NYAP2: variants seen among roughly 807,000 people sequenced by gnomAD.
NYAP2 encodes the protein neuronal tyrosine-phosphorylated phosphoinositide-3-kinase adapter 2.
Under a neutral mutation model 50.4 loss-of-function variants are expected in NYAP2, and 23 were observed. The ratio of observed to expected loss-of-function variants is 0.46; its 90% CI spans 0.33 to 0.65. The LOEUF (loss-of-function observed/expected upper bound fraction) is 0.65, where lower values mean the gene tolerates loss of function less well. Ranked by LOEUF, NYAP2 falls within the 30% of genes least tolerant of loss-of-function variation. The probability of loss-of-function intolerance (pLI) is 0.02; values close to 1 mark genes in which losing one functional copy is unlikely to be tolerated. For synonymous variants in NYAP2, 394 were observed against 365.2 expected (o/e 1.08, Z -0.90); for missense variants, 885 against 861.0 (o/e 1.03, Z -0.35).
intron 4 of NYAP2, among the ~76,000 whole-genome samples, chr2:225,530,887 GC>G (rs1574661374): frequency 6.6e-6 from 1 of 152,110 alleles, no homozygotes; most frequent in African/African-American, 2.4e-5. Context: ...AGCCAATTCT[GC>G]TCCACTTATG....
At chr2:225,656,688 A>G (rs1693832536), downstream of NYAP2, among the ~76,000 whole-genome samples, 1 of 152,124 alleles carries the variant, frequency 6.6e-6, no homozygotes, top group South Asian at 2.1e-4. Flanking sequence ...TTAAAAAAAG[A>G]AGATAGACAA....
chr2:225,582,611 C>G lies in NYAP2; in HGVS notation c.1194C>G (p.Ala398=). ...ATGCGAAACTGGAGAAAGAGCAGGCCGCGGCCCTGGGACCTGCCTCTGCCA... is the reference window on the plus strand; with the variant it reads ...ATGCGAAACTGGAGAAAGAGCAGGCGGCGGCCCTGGGACCTGCCTCTGCCA... Residue 398 remains alanine (A), a synonymous_variant, in exon 5 of 7, where the codon GCC becomes GCG. Coordinates refer to ENST00000636099, the Ensembl canonical transcript of NYAP2. The surrounding 1 kb of genome is among the most constrained non-coding windows in gnomAD (Gnocchi z 7.0). 6.3e-7 allele frequency: 1 copy of G among 1,593,592 alleles called. No individual in the cohort carries two copies. Among genetic ancestry groups the G allele is most frequent in the Non-Finnish European group, 8.5e-7 (1 of 1,170,938 alleles).
rs531632299 is a variant in NYAP2, at chr2:225,451,776, A to G, written c.221+42675A>G. Among the ~76,000 whole-genome samples the G allele has an allele frequency of 2.0e-5, 3 of 152,230 alleles. No homozygotes were observed. The East Asian group carries it at 5.8e-4, about 29-fold the overall frequency. On this transcript the variant is annotated intron_variant, in intron 3 of 6. Coordinates refer to ENST00000636099, the Ensembl canonical transcript of NYAP2. The stretch of plus-strand genomic sequence containing the variant: ...TCAAAGCTCTGTTATATGGTAGGCT[A>G]ATAAGAATGGAAATTTCATTCATTT...
chr2:225,454,149 C>T (rs1426856142), intron 3 of NYAP2, among the ~76,000 whole-genome samples: 1 of 151,802 alleles, frequency 6.6e-6, no homozygotes, highest in Admixed American at 6.6e-5. Context: ...CATAGCGAGA[C>T]CCTATCTGCA....
At chr2:225,596,606 A>G (rs779946513) in intron 5 of NYAP2, among the ~76,000 whole-genome samples, 1 of 152,146 alleles carries the variant, frequency 6.6e-6, no homozygotes, top group South Asian at 2.1e-4. Flanking sequence ...GATTTTTCTA[A>G]AGCTAATTTT....
intron 5 of NYAP2, among the ~76,000 whole-genome samples, chr2:225,587,621 T>G (rs1692411598): frequency 6.6e-6 from 1 of 152,168 alleles, no homozygotes; most frequent in African/African-American, 2.4e-5. Context: ...GCTCAACTCC[T>G]AAATACCTTT....
chr2:225,690,632 T>C, the NYAP2 span, among the ~76,000 whole-genome samples: 1 of 152,122 alleles, frequency 6.6e-6, no homozygotes, highest in Non-Finnish European at 1.5e-5. Context: ...ACAATTTAAA[T>C]CAGTTTCTCT....
chr2:225,609,236 G>T (rs1464613901), intron 5 of NYAP2, among the ~76,000 whole-genome samples: 1 of 152,028 alleles, frequency 6.6e-6, no homozygotes, highest in African/African-American at 2.4e-5. Flanking sequence ...ACAAACCGAG[G>T]ATAGGATGGA....
At chr2:225,447,940 G>A (rs1418030579) in intron 3 of NYAP2, among the ~76,000 whole-genome samples, 1 of 152,170 alleles carries the variant, frequency 6.6e-6, no homozygotes, top group Non-Finnish European at 1.5e-5. Flanking sequence ...TCTTGGGTGT[G>A]ATCTTTAGTT....
chr2:225,662,618 C>T, the NYAP2 span, among the ~76,000 whole-genome samples: 1 of 152,184 alleles, frequency 6.6e-6, no homozygotes, highest in African/African-American at 2.4e-5. Context: ...GTTAATAATC[C>T]CTAGTTGTCA....
At chr2:225,675,947 T>G in the NYAP2 span, among the ~76,000 whole-genome samples, 1 of 152,182 alleles carries the variant, frequency 6.6e-6, no homozygotes, top group Non-Finnish European at 1.5e-5. Context: ...TGCCTTCTTT[T>G]GAGAAATGTC....
chr2:225,665,238 G>C, the NYAP2 span, among the ~76,000 whole-genome samples: 1 of 151,798 alleles, frequency 6.6e-6, no homozygotes, highest in Non-Finnish European at 1.5e-5. Flanking sequence ...TTGCTGAGCA[G>C]GTTCCCTAAA....
chr2:225,654,332 T>C (rs1054691802), downstream of NYAP2, among the ~76,000 whole-genome samples: 4 of 152,132 alleles, frequency 2.6e-5, no homozygotes, highest in African/African-American at 9.7e-5. Context: ...GAATTCTTAA[T>C]AGGAGATTAA....
At chr2:225,599,487 C>T (rs1033294541) in intron 5 of NYAP2, among the ~76,000 whole-genome samples, 7 of 151,424 alleles carry the variant, frequency 4.6e-5, no homozygotes, top group Admixed American at 1.3e-4. Flanking sequence ...CAGTAGTCAT[C>T]AGGGCATGGT....
the NYAP2 span, among the ~76,000 whole-genome samples, chr2:225,688,446 G>A: frequency 4.6e-5 from 7 of 152,014 alleles, no homozygotes; most frequent in Non-Finnish European, 8.8e-5. Context: ...TAATTTTACT[G>A]TGTTAAAAGC....
intron 3 of NYAP2, among the ~76,000 whole-genome samples, chr2:225,460,897 G>C (rs372387115): frequency 2.7e-5 from 4 of 148,678 alleles, no homozygotes; most frequent in African/African-American, 7.5e-5. Flanking sequence ...GGAGGCTGAC[G>C]CAAGAGAATG....
chr2:225,499,269 T>C (rs1405410337), intron 3 of NYAP2, among the ~76,000 whole-genome samples: 5 of 150,696 alleles, frequency 3.3e-5, no homozygotes, highest in Admixed American at 6.6e-5. Flanking sequence ...GAGAAGAATC[T>C]AGAGAAAAAT....
At chr2:225,693,008 A>G in the NYAP2 span, among the ~76,000 whole-genome samples, 1 of 151,936 alleles carries the variant, frequency 6.6e-6, no homozygotes, top group African/African-American at 2.4e-5. Flanking sequence ...TTCCACACCC[A>G]TTGTTTCTCC....
intron 4 of NYAP2, among the ~76,000 whole-genome samples, chr2:225,564,693 A>G (rs1691932895): frequency 6.6e-6 from 1 of 152,052 alleles, no homozygotes; most frequent in Non-Finnish European, 1.5e-5. Context: ...TATAAAAAAA[A>G]AAAACATGCT....
Sources: gnomAD v4.1 joint callset for allele counts (sites outside exome capture counted in the v4.1 genomes callset) on GRCh38, gnomAD v4.1.1 for gene constraint, Gnocchi (gnomAD v3.1) non-coding constraint, MANE v1.5 for transcripts, NCBI Gene and HGNC (gene_info 2026-07-23, HGNC 2026-07-21) for gene names.